FAM149B1: variants seen among roughly 807,000 people sequenced by gnomAD.
The protein encoded by FAM149B1 is family with sequence similarity 149 member B1.
Under a neutral mutation model 75.3 loss-of-function variants are expected in FAM149B1, and 56 were observed. That is an observed-to-expected ratio of 0.74 (90% CI 0.60 to 0.93). The LOEUF is 0.93. FAM149B1 is among the 40% of genes least tolerant of loss of function. The pLI, the probability that FAM149B1 is intolerant of heterozygous loss-of-function variation, is 0.00. For synonymous variants in FAM149B1, 259 were observed against 256.1 expected, an observed-to-expected ratio of 1.01 and a Z score of -0.11; for missense variants, 639 against 708.4, an observed-to-expected ratio of 0.90 and a Z score of 1.11.
intron 5 of FAM149B1, among the ~76,000 whole-genome samples, chr10:73,206,823 G>A (rs2043070959): frequency 6.6e-6 from 1 of 152,232 alleles, no homozygotes; most frequent in Non-Finnish European, 1.5e-5. Flanking sequence ...GCTGAGGCAT[G>A]AGAATCCCTT....
chr10:73,205,337 C>T (rs2043031686), intron 5 of FAM149B1, among the ~76,000 whole-genome samples: 1 of 110,566 alleles, frequency 9.0e-6, no homozygotes, highest in South Asian at 3.6e-4. Context: ...CACCTCTCCA[C>T]ACACACACAC....
At chr10:73,176,910 C>T (rs1843991075) in intron 2 of FAM149B1, among the ~76,000 whole-genome samples, 3 of 152,068 alleles carry the variant, frequency 2.0e-5, no homozygotes, top group Admixed American at 2.0e-4. Context: ...ACCTGTAGTC[C>T]CAGCTACCAA....
intron 7 of FAM149B1, among the ~76,000 whole-genome samples, chr10:73,217,823 C>T (rs190872616): frequency 3.3e-5 from 5 of 152,276 alleles, no homozygotes; most frequent in Admixed American, 2.6e-4. Flanking sequence ...CATGCATGGG[C>T]CACCTTAGAG....
chr10:73,230,054 TAC>T (rs1179345668), intron 8 of FAM149B1, among the ~76,000 whole-genome samples: 2 of 152,206 alleles, frequency 1.3e-5, no homozygotes, highest in African/African-American at 2.4e-5. Flanking sequence ...GAGATTAAGT[TAC>T]AGTTTCCCCT....
chr10:73,170,653 T>C (rs1218815104), intron 1 of FAM149B1, among the ~76,000 whole-genome samples: 1 of 152,178 alleles, frequency 6.6e-6, no homozygotes, highest in Non-Finnish European at 1.5e-5. Context: ...CTAAAACCTC[T>C]CTTTGCCTTT....
intron 11 of FAM149B1, 82 bp from the exon 12 acceptor site, chr10:73,235,111 C>T (rs529722258): frequency 2.7e-6 from 4 of 1,480,950 alleles, no homozygotes; most frequent in Admixed American, 2.0e-5. Flanking sequence ...CTTACCATAT[C>T]TGCCATGGTC....
At chr10:73,187,800 G>A (rs1404598014) in intron 3 of FAM149B1, among the ~76,000 whole-genome samples, 2 of 150,766 alleles carry the variant, frequency 1.3e-5, no homozygotes, top group Admixed American at 1.3e-4. Flanking sequence ...AGAACAGTGT[G>A]GGCAGGGCAT....
At chr10:73,210,585 AG>A in intron 7 of FAM149B1, 147 bp downstream of exon 7, 2 of 533,072 alleles carry the variant, frequency 3.8e-6, no homozygotes, top group Non-Finnish European at 6.4e-6. Flanking sequence ...ACACTTTGGG[AG>A]GCCAAGGGGA....
chr10:73,230,566 G>C, intron 9 of FAM149B1, 41 bp downstream of exon 9: 1 of 1,133,490 alleles, frequency 8.8e-7, no homozygotes, highest in African/African-American at 1.5e-5. Context: ...GTGTAAAAGG[G>C]AAACAGAGGG....
At chr10:73,170,549 G>A (rs1843671144) in intron 1 of FAM149B1, among the ~76,000 whole-genome samples, 1 of 151,916 alleles carries the variant, frequency 6.6e-6, no homozygotes, top group South Asian at 2.1e-4. Flanking sequence ...GTGATGGTGT[G>A]GAGCTTGACA....
At chr10:73,187,391 T>TAAAA (rs773682735) in intron 3 of FAM149B1, among the ~76,000 whole-genome samples, 4 of 80,944 alleles carry the variant, frequency 4.9e-5, no homozygotes, top group Admixed American at 1.5e-4. Context: ...TCCAGATTAG[T>TAAAA]AAAAAAAAAA....
At chr10:73,179,858 C>A (rs999370985) in intron 3 of FAM149B1, among the ~76,000 whole-genome samples, 1 of 152,018 alleles carries the variant, frequency 6.6e-6, no homozygotes, top group Non-Finnish European at 1.5e-5. Flanking sequence ...ATTTACTACT[C>A]CACACTGGTC....
At position 73,208,844 on chromosome 10, in the gene FAM149B1, A is replaced by AT; in HGVS notation, c.710+64dup. 4 of 1,108,624 alleles carry AT rather than the reference A, an allele frequency of 3.6e-6. No individual in the cohort carries two copies. In the Admixed American group the frequency reaches 1.1e-4, roughly 30 times the overall value. 68.7% of individuals were successfully genotyped at this position (1,108,624 alleles called of 1,614,324 possible). A position where few individuals can be genotyped will look rare whatever the true frequency, so the allele number is the denominator to read the frequency against. ...CCTCTTATTTTGTGTATTAATACCT[A>AT]TTTTTTCTAAATGATGCTACCAATG... On this transcript the variant is annotated intron_variant, in intron 6 of 13. Coordinates refer to ENST00000242505, the MANE Select transcript of FAM149B1 (RefSeq NM_173348.2).
At chr10:73,191,143 A>C (rs1173625497) in intron 3 of FAM149B1, among the ~76,000 whole-genome samples, 43 of 139,270 alleles carry the variant, frequency 3.1e-4, no homozygotes, top group East Asian at 8.7e-4. Flanking sequence ...CGGGTTCAAG[A>C]GATTCTCCTG....
intron 13 of FAM149B1, among the ~76,000 whole-genome samples, chr10:73,240,270 T>TA (rs1350949087): frequency 1.3e-5 from 2 of 152,146 alleles, no homozygotes; most frequent in Admixed American, 6.5e-5. Context: ...GCAACTATGG[T>TA]AAAAAACTAG....
intron 3 of FAM149B1, among the ~76,000 whole-genome samples, chr10:73,188,726 G>GA (rs1245168188): frequency 1.9e-5 from 2 of 105,420 alleles, no homozygotes; most frequent in Non-Finnish European, 3.7e-5. Flanking sequence ...CTCTGTCTCA[G>GA]AAAAAAGAAA....
intron 5 of FAM149B1, chr10:73,200,605 G>T: frequency 1.4e-6 from 1 of 693,346 alleles, no homozygotes; most frequent in South Asian, 1.6e-5. Context: ...AAATCTATGA[G>T]ATTTTCCAAA....
intron 5 of FAM149B1, chr10:73,200,555 G>A: frequency 1.3e-6 from 1 of 740,926 alleles, no homozygotes; most frequent in Non-Finnish European, 2.2e-6. Context: ...GTTTGTTTTG[G>A]ATGAAGCAGA....
chr10:73,243,673 G>C lies in FAM149B1; in HGVS notation c.*2654G>C, dbSNP rs374658313. The C allele has an allele frequency of 5.2e-6, 6 of 1,152,662 alleles. No homozygotes were observed. Among genetic ancestry groups the C allele is most frequent in the African/African-American group, 3.1e-5 (2 of 64,058 alleles). 71.4% of individuals were successfully genotyped at this position (1,152,662 alleles called of 1,614,324 possible). Reference sequence around the variant, plus strand: ...TGTCCTACAATTGGTGTTAATAATTGTAAAACTTTGTAAATACACTTAAAA... The same window carrying C: ...TGTCCTACAATTGGTGTTAATAATTCTAAAACTTTGTAAATACACTTAAAA... On this transcript the variant is annotated 3_prime_UTR_variant, in exon 14 of 14. Coordinates refer to ENST00000242505, the MANE Select transcript of FAM149B1 (RefSeq NM_173348.2).
Sources: gnomAD v4.1 joint callset for allele counts (sites outside exome capture counted in the v4.1 genomes callset) on GRCh38, gnomAD v4.1.1 for gene constraint, MANE v1.5 for transcripts, NCBI Gene and HGNC (gene_info 2026-07-23, HGNC 2026-07-21) for gene names.